The following ZC3H12B variants were observed in gnomAD, a reference collection of about 807,000 sequenced individuals.
ZC3H12B encodes the protein zinc finger CCCH-type containing 12B.
A neutral mutation model predicts 43.9 loss-of-function variants in ZC3H12B; 7 were observed. That is an observed-to-expected ratio of 0.16 (90% CI 0.09 to 0.30). The LOEUF is 0.30. ZC3H12B is among the 10% of genes least tolerant of loss of function. ZC3H12B has a pLI of 1.00. For missense variants in ZC3H12B, 475 were observed against 670.2 expected, an observed-to-expected ratio of 0.71 and a Z score of 3.22; for synonymous variants, 222 against 241.7, an observed-to-expected ratio of 0.92 and a Z score of 0.76.
intron 3 of ZC3H12B, among the ~76,000 whole-genome samples, chrX:65,452,845 CA>C (rs2067537139): frequency 1.4e-5 from 1 of 73,147 alleles, no homozygotes; most frequent in Non-Finnish European, 2.4e-5. Context: ...CATCTAAACA[CA>C]CACACACACA....
the ZC3H12B span, among the ~76,000 whole-genome samples, chrX:65,218,908 A>G: frequency 8.9e-6 from 1 of 112,029 alleles, no homozygotes; most frequent in Non-Finnish European, 1.9e-5. Flanking sequence ...AAGGACCCTC[A>G]CAGAGTCCAC....
the ZC3H12B span, among the ~76,000 whole-genome samples, chrX:65,102,147 C>T: frequency 9.0e-6 from 1 of 111,243 alleles, no homozygotes; most frequent in Non-Finnish European, 1.9e-5. Context: ...ATGATTAGCT[C>T]AATAGGTGAA....
At chrX:65,045,633 C>T in the ZC3H12B span, among the ~76,000 whole-genome samples, 2 of 111,345 alleles carry the variant, frequency 1.8e-5, no homozygotes, top group Non-Finnish European at 3.8e-5. Flanking sequence ...TCAAAATAAT[C>T]CATGGGGATT....
At chrX:65,504,787 T>G (rs1354119341) in exon 5 of ZC3H12B, 1 of 112,992 alleles carries the variant, frequency 8.9e-6, no homozygotes, top group East Asian at 2.8e-4. Flanking sequence ...CACTTTCTCT[T>G]CCTGTCCACC....
In ZC3H12B at chrX:65,379,768, T is replaced by G. The variant is rs188716140; in HGVS notation, n.295+10770T>G. Among the ~76,000 whole-genome samples, 10 of 111,874 alleles carry G rather than the reference T, an allele frequency of 8.9e-5. No homozygotes were observed. The East Asian group carries it at 2.5e-3, about 28-fold the overall frequency. Reference sequence around the variant, plus strand: ...AATACAGCGAAGTGCTTAAAGGAGCTGATGGAGCTGAAAAACAAGGCTCAA... The same window carrying G: ...AATACAGCGAAGTGCTTAAAGGAGCGGATGGAGCTGAAAAACAAGGCTCAA... On this transcript the variant is annotated intron_variant and non_coding_transcript_variant, in intron 2 of 5. Transcript: ENST00000617377.
chrX:65,461,879 C>G (rs190511414), intron 3 of ZC3H12B, among the ~76,000 whole-genome samples: 3 of 109,842 alleles, frequency 2.7e-5, no homozygotes, highest in Non-Finnish European at 5.7e-5. Flanking sequence ...AAAATTTATA[C>G]TCAAATAATT....
chrX:65,388,260 C>T (rs768214254), intron 2 of ZC3H12B, among the ~76,000 whole-genome samples: 48 of 112,161 alleles, frequency 4.3e-4, no homozygotes, highest in Non-Finnish European at 8.5e-4. Flanking sequence ...CCATTCTCCC[C>T]GTGACTTTCA....
chrX:65,159,778 G>A, the ZC3H12B span, among the ~76,000 whole-genome samples: 1 of 111,610 alleles, frequency 9.0e-6, no homozygotes, highest in African/African-American at 3.3e-5. Context: ...TGATTGCCCT[G>A]GCCAGAACTT....
intron 3 of ZC3H12B, among the ~76,000 whole-genome samples, chrX:65,439,311 C>T (rs1332393200): frequency 8.9e-6 from 1 of 111,772 alleles, no homozygotes; most frequent in Non-Finnish European, 1.9e-5. Context: ...AGAACTTTTG[C>T]CATACTTCTT....
At chrX:65,211,789 A>G in the ZC3H12B span, among the ~76,000 whole-genome samples, 484 of 82,930 alleles carry the variant, frequency 5.8e-3, 2 homozygotes, top group Admixed American at 8.8e-3. Flanking sequence ...TATATTATAA[A>G]TATTATGTAT....
the ZC3H12B span, among the ~76,000 whole-genome samples, chrX:65,084,531 G>T: frequency 1.8e-5 from 2 of 112,388 alleles, no homozygotes; most frequent in African/African-American, 6.5e-5. Context: ...GATCATCAGA[G>T]AAATACAAAT....
chrX:65,102,373 A>T, the ZC3H12B span, among the ~76,000 whole-genome samples: 1 of 112,025 alleles, frequency 8.9e-6, no homozygotes, highest in African/African-American at 3.2e-5. Flanking sequence ...CAGTATTGGA[A>T]GTTCTGGCCA....
At chrX:65,260,302 CA>C in the ZC3H12B span, among the ~76,000 whole-genome samples, 51 of 103,118 alleles carry the variant, frequency 4.9e-4, no homozygotes, top group East Asian at 0.01. Flanking sequence ...CAATAGCCAC[CA>C]AAAAAAAAAT....
At chrX:65,469,376 G>A (rs1343834211) in intron 3 of ZC3H12B, 5 of 428,863 alleles carry the variant, frequency 1.2e-5, no homozygotes, top group African/African-American at 9.8e-5. Context: ...GCATTTTGCT[G>A]AGTGAGATCT....
the ZC3H12B span, among the ~76,000 whole-genome samples, chrX:65,145,259 C>A: frequency 6.0e-5 from 6 of 100,753 alleles, no homozygotes; most frequent in Non-Finnish European, 1.0e-4. Context: ...TTTTTAACTG[C>A]TGTTGCTTTA....
the ZC3H12B span, among the ~76,000 whole-genome samples, chrX:65,322,369 GT>G: frequency 8.9e-6 from 1 of 112,100 alleles, no homozygotes; most frequent in Non-Finnish European, 1.9e-5. Context: ...TTCCACATGA[GT>G]TTTTGAGGAG....
the ZC3H12B span, among the ~76,000 whole-genome samples, chrX:65,065,319 T>C: frequency 8.9e-6 from 1 of 111,769 alleles, no homozygotes; most frequent in Admixed American, 9.5e-5. Context: ...CTTCAGGAGC[T>C]CTTGTAAGGC....
the ZC3H12B span, among the ~76,000 whole-genome samples, chrX:65,052,824 A>G: frequency 0.037 from 4,118 of 111,479 alleles, 181 homozygotes; most frequent in African/African-American, 0.13. Context: ...TGTATTCACT[A>G]TCTCAATTTT....
intron 3 of ZC3H12B, among the ~76,000 whole-genome samples, chrX:65,462,834 C>T (rs1285154986): frequency 1.8e-5 from 2 of 112,554 alleles, no homozygotes; most frequent in Admixed American, 9.4e-5. Flanking sequence ...CATTGTAGCA[C>T]TATTCACAAT....
Sources: gnomAD v4.1 joint callset for allele counts (sites outside exome capture counted in the v4.1 genomes callset) on GRCh38, gnomAD v4.1.1 for gene constraint, MANE v1.5 for transcripts, NCBI Gene and HGNC (gene_info 2026-07-23, HGNC 2026-07-21) for gene names.